PLXDC2: variants seen among roughly 807,000 people sequenced by gnomAD.
The protein encoded by PLXDC2 is plexin domain containing 2, also known as plexin domain-containing protein 2.
In PLXDC2, 40 loss-of-function variants were observed where a neutral mutation model predicts 68.9. That is an observed-to-expected ratio of 0.58 (90% CI 0.45 to 0.76). The LOEUF (loss-of-function observed/expected upper bound fraction) is 0.76, where lower values mean the gene tolerates loss of function less well. PLXDC2 is among the 30% of genes least tolerant of loss of function. The pLI is 0.00. For synonymous variants in PLXDC2, 243 were observed against 234.2 expected (o/e 1.04, Z -0.34); for missense variants, 644 against 661.9 (o/e 0.97, Z 0.30).
intron 4 of PLXDC2, among the ~76,000 whole-genome samples, chr10:20,131,547 A>T (rs1833868184): frequency 6.6e-6 from 1 of 151,990 alleles, no homozygotes; most frequent in African/African-American, 2.4e-5. Flanking sequence ...TTATGGGCAC[A>T]TGCCACCATG....
chr10:20,177,458 A>T, intron 9 of PLXDC2, 49 bp downstream of exon 9: 2 of 974,672 alleles, frequency 2.1e-6, no homozygotes, highest in Non-Finnish European at 2.7e-6. Context: ...AAGATATTTT[A>T]AAAGATTAGA....
intron 4 of PLXDC2, among the ~76,000 whole-genome samples, chr10:20,087,866 T>A (rs1309231681): frequency 6.6e-6 from 1 of 152,160 alleles, no homozygotes; most frequent in Non-Finnish European, 1.5e-5. Flanking sequence ...CCCTACCACT[T>A]CCAACATATT....
At chr10:20,194,637 T>A (rs536758006) in intron 9 of PLXDC2, among the ~76,000 whole-genome samples, 3 of 151,562 alleles carry the variant, frequency 2.0e-5, no homozygotes, top group South Asian at 2.1e-4. Context: ...TAAATTTATT[T>A]TATATATATA....
At chr10:19,890,010 G>C (rs900949693) in intron 1 of PLXDC2, among the ~76,000 whole-genome samples, 1 of 152,090 alleles carries the variant, frequency 6.6e-6, no homozygotes, top group Non-Finnish European at 1.5e-5. Context: ...AGGCAGTCTC[G>C]CGTTTCAGGG....
chr10:20,108,936 T>A (rs942923567), intron 4 of PLXDC2, among the ~76,000 whole-genome samples: 1 of 152,138 alleles, frequency 6.6e-6, no homozygotes, highest in Non-Finnish European at 1.5e-5. Flanking sequence ...GGACATTTGT[T>A]TATGTATAAA....
intron 1 of PLXDC2, among the ~76,000 whole-genome samples, chr10:19,991,653 A>G (rs1278413024): frequency 1.3e-5 from 2 of 152,174 alleles, no homozygotes; most frequent in East Asian, 1.9e-4. Flanking sequence ...TTGCACCATT[A>G]TGGATTCCAA....
rs1836161244 is a variant in PLXDC2, at chr10:20,286,976, C to T, written c.*7157C>T. 6.6e-6 allele frequency: 1 copy of T among 152,292 alleles called. No homozygotes were observed. The allele number at this position is 152,292 out of a possible 1,614,324, so 9.4% of individuals were successfully genotyped here. A position where few individuals can be genotyped will look rare whatever the true frequency, so the allele number is the denominator to read the frequency against. ...CGACCTCAGGTGATCCGCCCACCTC[C>T]GCCTCCCAAAGTGCTGGAATTACAG... is the stretch of plus-strand genomic sequence containing the variant. On this transcript the variant is annotated 3_prime_UTR_variant, in exon 14 of 14. Transcript: ENST00000377252.
intron 1 of PLXDC2, among the ~76,000 whole-genome samples, chr10:19,882,935 AT>A (rs11347602): frequency 0.6 from 67,520 of 111,698 alleles, 16,486 homozygotes; most frequent in East Asian, 0.69. Flanking sequence ...GGCAATTAAA[AT>A]TTTTTTTTTT....
At chr10:19,970,301 C>G (rs150809715) in intron 1 of PLXDC2, among the ~76,000 whole-genome samples, 11 of 152,300 alleles carry the variant, frequency 7.2e-5, no homozygotes, top group African/African-American at 2.6e-4. Flanking sequence ...TTGTATGCAT[C>G]AACTGCCTCA....
chr10:20,139,421 G>A (rs1342607375), intron 4 of PLXDC2, among the ~76,000 whole-genome samples: 1 of 152,270 alleles, frequency 6.6e-6, no homozygotes, highest in Non-Finnish European at 1.5e-5. Flanking sequence ...GCTATTTATA[G>A]TAGAATCACA....
At chr10:19,915,852 A>G (rs532630929) in intron 1 of PLXDC2, among the ~76,000 whole-genome samples, 265 of 137,892 alleles carry the variant, frequency 1.9e-3, no homozygotes, top group African/African-American at 6.2e-3. Context: ...ATTCATGTTA[A>G]ACCAAAAAAA....
At chr10:20,143,969 C>A (rs1834040582) in intron 5 of PLXDC2, among the ~76,000 whole-genome samples, 1 of 150,952 alleles carries the variant, frequency 6.6e-6, no homozygotes, top group Non-Finnish European at 1.5e-5. Flanking sequence ...AGCAATGTAT[C>A]CCTGCTATTA....
rs146116750 is a variant in PLXDC2 at position 20,027,953 on chromosome 10, A to G, written c.325-18916A>G. On this transcript the variant is annotated intron_variant, in intron 2 of 13. Transcript: ENST00000377252. ...GACTTAGGACTATTTGTTTCCCTAC[A>G]CTTTTCTGGAACATAAACCTTGCTG... 1.3e-4 allele frequency among the ~76,000 whole-genome samples: 20 copies of G among 152,320 alleles called. 1 individual carries two copies. In the South Asian group the frequency reaches 1.7e-3, roughly 13 times the overall value.
At chr10:19,915,579 A>G (rs969776026) in intron 1 of PLXDC2, among the ~76,000 whole-genome samples, 5 of 152,112 alleles carry the variant, frequency 3.3e-5, no homozygotes, top group East Asian at 1.9e-4. Flanking sequence ...CTTTGCACTG[A>G]TGTTCCAAGT....
chr10:19,826,725 T>C (rs1424605341), intron 1 of PLXDC2, among the ~76,000 whole-genome samples: 1 of 152,214 alleles, frequency 6.6e-6, no homozygotes, highest in Non-Finnish European at 1.5e-5. Flanking sequence ...TTTAAAGTTT[T>C]TATGTAGCTT....
chr10:20,270,046 A>AT (rs1456871320), intron 13 of PLXDC2, among the ~76,000 whole-genome samples: 5 of 140,286 alleles, frequency 3.6e-5, no homozygotes, highest in Admixed American at 7.2e-5. Flanking sequence ...ATAAAATAAA[A>AT]TAAAATAAAA....
chr10:19,831,059 TA>T (rs1836681758), intron 1 of PLXDC2, among the ~76,000 whole-genome samples: 1 of 152,126 alleles, frequency 6.6e-6, no homozygotes, highest in Non-Finnish European at 1.5e-5. Context: ...GCTTGGTATA[TA>T]GAAGGCAATT....
intron 1 of PLXDC2, among the ~76,000 whole-genome samples, chr10:19,958,085 G>A (rs1228019013): frequency 6.6e-6 from 1 of 151,838 alleles, no homozygotes; most frequent in Non-Finnish European, 1.5e-5. Context: ...ATTGCATCTA[G>A]TATCTTCTTG....
At chr10:20,226,107 A>T (rs947359114) in intron 12 of PLXDC2, among the ~76,000 whole-genome samples, 1 of 152,220 alleles carries the variant, frequency 6.6e-6, no homozygotes, top group East Asian at 1.9e-4. Flanking sequence ...CTATTGGTCC[A>T]TTGGTCCTCA....
Sources: allele counts gnomAD v4.1 joint callset (sites outside exome capture counted in the v4.1 genomes callset), GRCh38; gene constraint gnomAD v4.1.1; transcripts MANE v1.5; gene names NCBI Gene and HGNC (gene_info 2026-07-23, HGNC 2026-07-21).